The following SPATA16 variants were observed in gnomAD, a reference collection of about 807,000 sequenced individuals.
The protein encoded by SPATA16 is spermatogenesis associated 16, also known as spermatogenesis-associated protein 16.
Under a neutral mutation model 63.3 loss-of-function variants are expected in SPATA16, and 36 were observed. The ratio of observed to expected loss-of-function variants is 0.57; its 90% CI spans 0.44 to 0.75. SPATA16 has a LOEUF of 0.75. Ranked by LOEUF, SPATA16 falls within the 30% of genes least tolerant of loss-of-function variation. The probability of loss-of-function intolerance (pLI) is 0.00; values close to 1 mark genes in which losing one functional copy is unlikely to be tolerated. For missense variants in SPATA16, 646 were observed against 679.3 expected (o/e 0.95, Z 0.54); for synonymous variants, 203 against 216.7 (o/e 0.94, Z 0.56).
intron 6 of SPATA16, among the ~76,000 whole-genome samples, chr3:172,955,925 A>G (rs2108234021): frequency 6.6e-6 from 1 of 152,286 alleles, no homozygotes; most frequent in South Asian, 2.1e-4. Context: ...TATTAACATT[A>G]TAATTCAGTG....
chr3:173,053,701 T>G lies in SPATA16; in HGVS notation c.613-4607A>C, dbSNP rs143893624. Among the ~76,000 whole-genome samples, 483 of 152,266 alleles carry G rather than the reference T, an allele frequency of 3.2e-3. 8 individuals are homozygous for G. The highest frequency in any genetic ancestry group is 0.01 in the African/African-American group (427 of 41,558). On this transcript the variant is annotated intron_variant, in intron 2 of 10. Coordinates refer to ENST00000351008, the MANE Select transcript of SPATA16 (RefSeq NM_031955.6). The stretch of plus-strand genomic sequence containing the variant: ...CCTTATTAAAATTCTGTCTGATGAG[T>G]GTTTCCTCACTGTATCACTGGAATA...
At chr3:173,099,117 G>A (rs1054641763) in intron 2 of SPATA16, among the ~76,000 whole-genome samples, 1 of 152,100 alleles carries the variant, frequency 6.6e-6, no homozygotes, top group Non-Finnish European at 1.5e-5. Flanking sequence ...AACATCAGAA[G>A]GTCAATAGTA....
At chr3:173,137,865 A>ACACACACACG (rs1738592336) in intron 1 of SPATA16, among the ~76,000 whole-genome samples, 2 of 150,850 alleles carry the variant, frequency 1.3e-5, no homozygotes, top group African/African-American at 2.5e-5. Context: ...ACACACACAC[A>ACACACACACG]CACACACAGA....
intron 10 of SPATA16, among the ~76,000 whole-genome samples, chr3:172,901,817 G>A (rs1381659260): frequency 1.3e-5 from 2 of 152,088 alleles, no homozygotes; most frequent in East Asian, 1.9e-4. Flanking sequence ...TCTTATCACT[G>A]TTTCCCACGT....
chr3:173,136,900 G>A (rs1221204393), intron 1 of SPATA16, among the ~76,000 whole-genome samples: 7 of 152,138 alleles, frequency 4.6e-5, no homozygotes, highest in African/African-American at 9.7e-5. Flanking sequence ...CCAAGTAGAC[G>A]AATAAGCTTT....
At position 172,963,132 on chromosome 3, in the gene SPATA16, A is replaced by G. The variant is rs559808544; in HGVS notation, c.934-6308T>C. ...TAATTGACTGCTTGTCCCTGCTGCA[A>G]TGATCAACATTTTGATGCTGAATAT... On this transcript the variant is annotated intron_variant, in intron 5 of 10. Transcript: ENST00000351008. Among the ~76,000 whole-genome samples, 8 of 152,238 alleles carry G rather than the reference A, an allele frequency of 5.3e-5. No homozygotes were observed. The East Asian group carries it at 1.2e-3, about 22-fold the overall frequency.
At position 173,045,845 on chromosome 3, in the gene SPATA16, CT is replaced by C. The variant is rs1278205974; in HGVS notation, c.758+3103del. On this transcript the variant is annotated intron_variant, in intron 3 of 10. Transcript: ENST00000351008. ...CCACTGCCTAGCACAGGAATAGGCT[CT>C]TGGTGGAAATATTTAATAAGTTTTT... is the stretch of plus-strand genomic sequence containing the variant. 2.6e-5 allele frequency among the ~76,000 whole-genome samples: 4 copies of C among 151,868 alleles called. No individual in the cohort carries two copies. In the East Asian group the frequency reaches 7.7e-4, roughly 29 times the overall value.
chr3:173,122,763 G>A (rs564711976), intron 1 of SPATA16, among the ~76,000 whole-genome samples: 2 of 152,312 alleles, frequency 1.3e-5, no homozygotes, highest in African/African-American at 4.8e-5. Context: ...AGCTAGGAGT[G>A]GAGGTGGAGG....
intron 8 of SPATA16, among the ~76,000 whole-genome samples, chr3:172,920,144 T>C (rs1732586974): frequency 6.6e-6 from 1 of 152,342 alleles, no homozygotes; most frequent in South Asian, 2.1e-4. Context: ...ATTCTGAAGC[T>C]CTGATTTTGA....
At chr3:172,915,457 C>T (rs906965471) in intron 9 of SPATA16, among the ~76,000 whole-genome samples, 10 of 152,056 alleles carry the variant, frequency 6.6e-5, no homozygotes, top group African/African-American at 2.4e-4. Flanking sequence ...CTGTTCTCAT[C>T]ATTACTATGT....
intron 3 of SPATA16, among the ~76,000 whole-genome samples, chr3:173,024,269 A>G (rs1395460880): frequency 1.3e-5 from 2 of 151,684 alleles, no homozygotes; most frequent in Non-Finnish European, 3.0e-5. Context: ...TTCAGTATTT[A>G]TAACTATTTT....
intron 4 of SPATA16, among the ~76,000 whole-genome samples, chr3:172,989,437 A>G (rs748321048): frequency 5.3e-5 from 8 of 152,168 alleles, no homozygotes; most frequent in Non-Finnish European, 8.8e-5. Flanking sequence ...TTTTGAATAA[A>G]TTATTTTTCA....
intron 2 of SPATA16, among the ~76,000 whole-genome samples, chr3:173,099,453 A>G (rs776486956): frequency 7.2e-5 from 11 of 152,196 alleles, no homozygotes; most frequent in Non-Finnish European, 1.5e-4. Flanking sequence ...GGTACTATCC[A>G]CAGTTTCAGG....
Position 173,028,023 on chromosome 3 carries a change from TTTC to T in SPATA16, c.759-8451_759-8449del, listed in dbSNP as rs1735502693. ...CCTCCCTCCCTCCCTCCCTTCCTTCTTTCCTTCCTTCCTTCCTTCCTTCCTTCC... is the reference window on the plus strand; with the variant it reads ...CCTCCCTCCCTCCCTCCCTTCCTTCTCTTCCTTCCTTCCTTCCTTCCTTCC... On this transcript the variant is annotated intron_variant, in intron 3 of 10. Transcript: ENST00000351008. Among the ~76,000 whole-genome samples, 213 of 36,680 alleles carry T rather than the reference TTTC, an allele frequency of 5.8e-3. 10 individuals carry two copies. The highest frequency in any genetic ancestry group is 0.023 in the African/African-American group (195 of 8,504). The allele number at this position is 36,680 out of a possible 152,430, so 24.1% of individuals were successfully genotyped here. A position where few individuals can be genotyped will look rare whatever the true frequency, so the allele number is the denominator to read the frequency against.
chr3:172,967,202 A>G (rs920495863), intron 5 of SPATA16, among the ~76,000 whole-genome samples: 2 of 152,228 alleles, frequency 1.3e-5, no homozygotes, highest in Non-Finnish European at 2.9e-5. Flanking sequence ...TCTTTCTCAA[A>G]TGAGAGAAAA....
intron 3 of SPATA16, among the ~76,000 whole-genome samples, chr3:173,043,579 C>A (rs2108290999): frequency 6.6e-6 from 1 of 151,972 alleles, no homozygotes; most frequent in African/African-American, 2.4e-5. Flanking sequence ...AAAATACAGT[C>A]TTTTATATTT....
At chr3:172,977,659 G>A (rs1453133317) in intron 4 of SPATA16, among the ~76,000 whole-genome samples, 1 of 152,112 alleles carries the variant, frequency 6.6e-6, no homozygotes, top group Non-Finnish European at 1.5e-5. Flanking sequence ...AAACTATTGT[G>A]CAATGGATAT....
In SPATA16 at chr3:172,911,147, A is replaced by G. The variant is rs183917564; in HGVS notation, c.1587+2514T>C. Among the ~76,000 whole-genome samples, 387 of 152,316 alleles carry G rather than the reference A, an allele frequency of 2.5e-3. 3 individuals carry two copies. Among genetic ancestry groups the G allele is most frequent in the African/African-American group, 8.9e-3 (371 of 41,574 alleles). ...GGTTCCTGGGAGTATCTCTTCAACA[A>G]ACCTTCAATCAGAAACATACTTTCT... On this transcript the variant is annotated intron_variant, in intron 10 of 10. Transcript: ENST00000351008.
intron 4 of SPATA16, among the ~76,000 whole-genome samples, chr3:173,010,262 C>A (rs1052759234): frequency 6.6e-6 from 1 of 152,168 alleles, no homozygotes; most frequent in African/African-American, 2.4e-5. Flanking sequence ...CTCTGTTGCC[C>A]CCAGGTTGGG....
Sources: gnomAD v4.1 joint callset for allele counts (sites outside exome capture counted in the v4.1 genomes callset) on GRCh38, gnomAD v4.1.1 for gene constraint, MANE v1.5 for transcripts, NCBI Gene and HGNC (gene_info 2026-07-23, HGNC 2026-07-21) for gene names.